EYS: variants seen among roughly 807,000 people sequenced by gnomAD.
EYS encodes the protein EGF-like photoreceptor maintenance factor.
Under a neutral mutation model 282.1 loss-of-function variants are expected in EYS, and 250 were observed. That is an observed-to-expected ratio of 0.89 (90% confidence interval 0.80 to 0.98). EYS has a LOEUF of 0.98. EYS is among the 50% of genes least tolerant of loss of function. The pLI, the probability that EYS is intolerant of heterozygous loss-of-function variation, is 0.00. For synonymous variants in EYS, 1,355 were observed against 1,282.9 expected (o/e 1.06, Z -1.20); for missense variants, 4,016 against 3,709.0 (o/e 1.08, Z -2.15).
chr6:65,081,892 C>T (rs1774239543), intron 12 of EYS, among the ~76,000 whole-genome samples: 1 of 152,016 alleles, frequency 6.6e-6, no homozygotes, highest in Non-Finnish European at 1.5e-5. Context: ...TACAAAATGA[C>T]TATCATTAGG....
intron 22 of EYS, among the ~76,000 whole-genome samples, chr6:64,651,591 G>C (rs1768563703): frequency 6.6e-6 from 1 of 152,224 alleles, no homozygotes; most frequent in Non-Finnish European, 1.5e-5. Flanking sequence ...GCTGAGACGG[G>C]AGAATCGCTT....
intron 36 of EYS, chr6:63,857,611 C>T: frequency 2.4e-6 from 1 of 416,504 alleles, no homozygotes; most frequent in South Asian, 1.8e-5. Flanking sequence ...TGATGGGGTC[C>T]ACGTGTGCTC....
intron 36 of EYS, among the ~76,000 whole-genome samples, chr6:63,840,574 G>T (rs1771930768): frequency 6.6e-6 from 1 of 151,842 alleles, no homozygotes; most frequent in East Asian, 1.9e-4. Flanking sequence ...TGCTTTTGTT[G>T]TCTGTGATTT....
At chr6:65,212,675 C>T (rs1268897109) in intron 12 of EYS, among the ~76,000 whole-genome samples, 1 of 152,052 alleles carries the variant, frequency 6.6e-6, no homozygotes, top group African/African-American at 2.4e-5. Flanking sequence ...GAAAGACCTA[C>T]TAGACAGTGC....
intron 1 of EYS, among the ~76,000 whole-genome samples, chr6:65,656,708 A>G (rs1212804006): frequency 1.3e-5 from 2 of 151,992 alleles, no homozygotes; most frequent in Non-Finnish European, 2.9e-5. Context: ...AAAACTGCAA[A>G]GTAGAGCAGC....
chr6:65,420,605 A>G, intron 5 of EYS, among the ~76,000 whole-genome samples: 1 of 149,888 alleles, frequency 6.7e-6, no homozygotes. Flanking sequence ...TCTTAATGGC[A>G]TCTAGAATGG....
chr6:63,946,041 G>A (rs548119755), intron 35 of EYS, among the ~76,000 whole-genome samples: 7 of 152,270 alleles, frequency 4.6e-5, no homozygotes, highest in South Asian at 2.1e-4. Context: ...CGCTATAAAT[G>A]TAGAATTCCA....
At chr6:65,585,494 T>A (rs1406966362) in intron 2 of EYS, among the ~76,000 whole-genome samples, 1 of 151,914 alleles carries the variant, frequency 6.6e-6, no homozygotes, top group East Asian at 1.9e-4. Flanking sequence ...AAAATATTTT[T>A]AAAATAAACT....
At chr6:64,305,384 C>T (rs974031907) in intron 30 of EYS, among the ~76,000 whole-genome samples, 4 of 151,660 alleles carry the variant, frequency 2.6e-5, no homozygotes, top group Admixed American at 6.6e-5. Flanking sequence ...AAAAATAATC[C>T]ACTTAAAATT....
At chr6:64,302,815 A>C (rs1358486693) in intron 30 of EYS, among the ~76,000 whole-genome samples, 1 of 152,174 alleles carries the variant, frequency 6.6e-6, no homozygotes, top group African/African-American at 2.4e-5. Flanking sequence ...TCAAGACATA[A>C]AACCTGCACT....
intron 12 of EYS, among the ~76,000 whole-genome samples, chr6:65,198,619 T>C (rs1363218547): frequency 3.3e-5 from 5 of 152,068 alleles, no homozygotes; most frequent in African/African-American, 1.2e-4. Context: ...TGGCATATCA[T>C]TGACTACAGA....
chr6:65,153,737 G>C (rs1046855026), intron 12 of EYS, among the ~76,000 whole-genome samples: 1 of 151,624 alleles, frequency 6.6e-6, no homozygotes, highest in Non-Finnish European at 1.5e-5. Context: ...AGATTGAAAA[G>C]CATCTCTCTG....
intron 22 of EYS, among the ~76,000 whole-genome samples, chr6:64,811,049 G>A (rs192035796): frequency 1.3e-5 from 2 of 151,984 alleles, no homozygotes; most frequent in Admixed American, 1.3e-4. Flanking sequence ...AACATACTAT[G>A]GATTAACCCT....
intron 13 of EYS, among the ~76,000 whole-genome samples, chr6:65,043,169 G>C (rs1370642318): frequency 6.6e-6 from 1 of 151,490 alleles, no homozygotes; most frequent in Non-Finnish European, 1.5e-5. Flanking sequence ...TGATTAAATT[G>C]AGCTAATTAA....
At chr6:64,351,101 G>A (rs953919895) in intron 29 of EYS, among the ~76,000 whole-genome samples, 1 of 150,588 alleles carries the variant, frequency 6.6e-6, no homozygotes, top group Non-Finnish European at 1.5e-5. Flanking sequence ...CCAGCCTCAG[G>A]TATTTCTTCA....
At chr6:65,401,546 TG>T (rs1412077243) in intron 7 of EYS, among the ~76,000 whole-genome samples, 1 of 151,828 alleles carries the variant, frequency 6.6e-6, no homozygotes, top group Non-Finnish European at 1.5e-5. Context: ...ATTGAAGGCA[TG>T]CAAAAATTTG....
intron 14 of EYS, among the ~76,000 whole-genome samples, chr6:64,966,987 C>T (rs1159031978): frequency 6.6e-6 from 1 of 152,110 alleles, no homozygotes; most frequent in Non-Finnish European, 1.5e-5. Context: ...ATCAAAAAGC[C>T]ATGGTTTTCA....
chr6:64,245,967 C>T (rs908847936), intron 30 of EYS, among the ~76,000 whole-genome samples: 6 of 124,844 alleles, frequency 4.8e-5, no homozygotes, highest in Middle Eastern at 5.7e-3. Context: ...TGCAGTGAGT[C>T]GAGATCGCGC....
At chr6:63,869,579 T>C (rs373070547) in intron 35 of EYS, among the ~76,000 whole-genome samples, 2 of 152,270 alleles carry the variant, frequency 1.3e-5, no homozygotes, top group African/African-American at 4.8e-5. Flanking sequence ...TTGGAGAACA[T>C]GAAGCCCAAA....
Sources: allele counts gnomAD v4.1 joint callset (sites outside exome capture counted in the v4.1 genomes callset), GRCh38; gene constraint gnomAD v4.1.1; transcripts MANE v1.5; gene names NCBI Gene and HGNC (gene_info 2026-07-23, HGNC 2026-07-21).